GRIP1: variants seen among roughly 807,000 people sequenced by gnomAD.
GRIP1 encodes the protein glutamate receptor-interacting protein 1.
Under a neutral mutation model 129.9 loss-of-function variants are expected in GRIP1, and 45 were observed. That is an observed-to-expected ratio of 0.35 (90% CI 0.27 to 0.44). GRIP1 has a LOEUF of 0.44. Among genes scored for constraint, GRIP1 ranks in the 20% least tolerant of loss-of-function variants. The pLI is 1.00. For synonymous variants in GRIP1, 530 were observed against 520.8 expected, an observed-to-expected ratio of 1.02 and a Z score of -0.24; for missense variants, 1,196 against 1,396.8, an observed-to-expected ratio of 0.86 and a Z score of 2.29.
At chr12:66,628,653 G>T (rs2140022835) in intron 1 of GRIP1, among the ~76,000 whole-genome samples, 1 of 152,300 alleles carries the variant, frequency 6.6e-6, no homozygotes, top group African/African-American at 2.4e-5. Context: ...CTCTCCACCA[G>T]GGGTGAATTT....
At chr12:66,587,807 A>C (rs11176293) in intron 2 of GRIP1, among the ~76,000 whole-genome samples, 235 of 152,130 alleles carry the variant, frequency 1.5e-3, no homozygotes, top group African/African-American at 5.5e-3. Context: ...TCCGTGCAGA[A>C]GGCAGAGGGG....
Position 66,678,993 on chromosome 12 carries a change from C to T in GRIP1, c.-89G>A, listed in dbSNP as rs1236135616. ...CAGCAGCATATGAATTCCTTGCGCA[C>T]ATACCAGGAGAAAGGTAGTCCCAGT... On this transcript the variant is annotated 5_prime_UTR_variant, in exon 1 of 25. It adds an upstream start codon to the 5' untranslated region. Coordinates refer to ENST00000359742, the MANE Select transcript of GRIP1 (RefSeq NM_001366722.1). 2.1e-5 allele frequency: 34 copies of T among 1,603,110 alleles called. No individual in the cohort carries two copies. The highest frequency in any genetic ancestry group is 2.6e-5 in the Non-Finnish European group (30 of 1,174,072).
At chr12:66,796,857 C>T (rs1477516664) in intron 1 of GRIP1, among the ~76,000 whole-genome samples, 1 of 152,076 alleles carries the variant, frequency 6.6e-6, no homozygotes, top group Non-Finnish European at 1.5e-5. Context: ...TTATGAATAA[C>T]TTATTTAGTC....
intron 16 of GRIP1, among the ~76,000 whole-genome samples, chr12:66,398,754 G>A (rs2056882447): frequency 6.6e-6 from 1 of 151,960 alleles, no homozygotes; most frequent in Non-Finnish European, 1.5e-5. Context: ...TTGAGATTTG[G>A]AGGGCCACAA....
chr12:66,649,743 AG>A (rs2032650500), intron 1 of GRIP1, among the ~76,000 whole-genome samples: 1 of 152,242 alleles, frequency 6.6e-6, no homozygotes, highest in African/African-American at 2.4e-5. Flanking sequence ...AAAAAGACGT[AG>A]GTTTCGGATA....
chr12:66,659,057 A>G (rs2033343660), intron 1 of GRIP1, among the ~76,000 whole-genome samples: 1 of 152,230 alleles, frequency 6.6e-6, no homozygotes, highest in Non-Finnish European at 1.5e-5. Context: ...TGATCCTTAC[A>G]TGCCAAGTTC....
intron 5 of GRIP1, among the ~76,000 whole-genome samples, chr12:66,521,652 G>T (rs979492647): frequency 1.3e-5 from 2 of 152,068 alleles, no homozygotes; most frequent in African/African-American, 4.8e-5. Flanking sequence ...CAGACAGTGG[G>T]TGCAGGACAG....
At chr12:66,998,377 T>A (rs2042501032) in intron 1 of GRIP1, among the ~76,000 whole-genome samples, 1 of 152,126 alleles carries the variant, frequency 6.6e-6, no homozygotes, top group Non-Finnish European at 1.5e-5. Context: ...ACTTTTCAGT[T>A]ATGTACAAAC....
chr12:66,468,464 G>A (rs1393735995), intron 7 of GRIP1, among the ~76,000 whole-genome samples: 1 of 152,188 alleles, frequency 6.6e-6, no homozygotes, highest in East Asian at 1.9e-4. Flanking sequence ...AGAGGACTGC[G>A]CCAATGTATC....
chr12:66,657,201 T>C lies in GRIP1; in HGVS notation c.55+21649A>G, dbSNP rs73327009. Among the ~76,000 whole-genome samples, 637 of 152,278 alleles carry C rather than the reference T, an allele frequency of 4.2e-3. 8 individuals are homozygous for C. Among genetic ancestry groups the C allele is most frequent in the African/African-American group, 0.014 (592 of 41,546 alleles). ...AGCTCTCTAAATGACAATTTATCAA[T>C]CAAGGATACTCATCAGCAAGGGTCC... On this transcript the variant is annotated intron_variant, in intron 1 of 24. Coordinates refer to ENST00000359742, the MANE Select transcript of GRIP1 (RefSeq NM_001366722.1).
At chr12:66,541,697 C>T in intron 3 of GRIP1, 118 bp downstream of exon 3, 1 of 1,072,660 alleles carries the variant, frequency 9.3e-7, no homozygotes, top group Non-Finnish European at 1.4e-6. Context: ...CTGGCCTGTG[C>T]TGCCTGGCAG....
At chr12:66,937,068 G>C (rs901867733) in intron 1 of GRIP1, among the ~76,000 whole-genome samples, 1 of 151,870 alleles carries the variant, frequency 6.6e-6, no homozygotes, top group Non-Finnish European at 1.5e-5. Context: ...TTCTCTGTTG[G>C]CTTCTCATAT....
intron 7 of GRIP1, among the ~76,000 whole-genome samples, chr12:66,489,397 C>T (rs1411998796): frequency 6.6e-6 from 1 of 152,096 alleles, no homozygotes; most frequent in Non-Finnish European, 1.5e-5. Flanking sequence ...TCAACAGATA[C>T]AGAAAAGGCC....
rs556633686 is a variant in GRIP1, at chr12:66,378,418, C to T, written c.2621+862G>A. On this transcript the variant is annotated intron_variant, in intron 20 of 24. Coordinates refer to ENST00000359742, the MANE Select transcript of GRIP1 (RefSeq NM_001366722.1). ...AGTGAGCTGAGATCATACCACTGCA[C>T]TCCAGCCTGGGTGACAGAGTGAGAC... Among the ~76,000 whole-genome samples, 516 of 151,078 alleles carry T rather than the reference C, an allele frequency of 3.4e-3. 2 individuals are homozygous for T. The highest frequency in any genetic ancestry group is 0.012 in the African/African-American group (491 of 41,144).
intron 1 of GRIP1, among the ~76,000 whole-genome samples, chr12:66,822,504 A>G (rs1429240955): frequency 2.6e-5 from 4 of 152,196 alleles, no homozygotes; most frequent in Non-Finnish European, 5.9e-5. Context: ...TACTTGGTAT[A>G]TATCCAAAAG....
At chr12:66,962,510 G>T (rs549743155) in intron 1 of GRIP1, among the ~76,000 whole-genome samples, 2 of 152,104 alleles carry the variant, frequency 1.3e-5, no homozygotes, top group African/African-American at 4.8e-5. Context: ...AAGCGAAAGT[G>T]GCCTCTCTGC....
intron 23 of GRIP1, among the ~76,000 whole-genome samples, chr12:66,361,094 GAAA>G (rs1356236630): frequency 1.3e-5 from 2 of 152,210 alleles, no homozygotes; most frequent in Admixed American, 1.3e-4. Flanking sequence ...GGTGCTGGAA[GAAA>G]ACGAAATAGA....
intron 4 of GRIP1, among the ~76,000 whole-genome samples, chr12:66,534,273 G>A (rs996653572): frequency 6.6e-6 from 1 of 152,126 alleles, no homozygotes; most frequent in African/African-American, 2.4e-5. Context: ...AGATGGTACT[G>A]CATAATGACC....
intron 1 of GRIP1, among the ~76,000 whole-genome samples, chr12:67,024,736 T>C (rs1259148760): frequency 6.6e-6 from 1 of 152,176 alleles, no homozygotes; most frequent in Non-Finnish European, 1.5e-5. Context: ...AAATGGCTAC[T>C]CTTCCATATT....
Sources: gnomAD v4.1 joint callset for allele counts (sites outside exome capture counted in the v4.1 genomes callset) on GRCh38, gnomAD v4.1.1 for gene constraint, MANE v1.5 for transcripts, NCBI Gene and HGNC (gene_info 2026-07-23, HGNC 2026-07-21) for gene names.